NSFL1C: variants seen among roughly 807,000 people sequenced by gnomAD.
NSFL1C encodes NSFL1 cofactor p47.
A neutral mutation model predicts 43.1 loss-of-function variants in NSFL1C; 14 were observed. That is an observed-to-expected ratio of 0.32 (90% CI 0.21 to 0.51). The LOEUF is 0.51. Ranked by LOEUF, NSFL1C falls within the 20% of genes least tolerant of loss-of-function variation. The probability of loss-of-function intolerance (pLI) is 0.98; values close to 1 mark genes in which losing one functional copy is unlikely to be tolerated. For synonymous variants in NSFL1C, 171 were observed against 183.5 expected (o/e 0.93, Z 0.55); for missense variants, 406 against 472.5 (o/e 0.86, Z 1.30).
chr20:1,466,608 C>T (rs1283970341), intron 1 of NSFL1C, 112 bp downstream of exon 1: 3 of 1,050,764 alleles, frequency 2.9e-6, no homozygotes, highest in African/African-American at 3.3e-5. Context: ...CTGGGTCGGG[C>T]CGCGGTAGAG....
Position 1,443,694 on chromosome 20 carries a change from C to A in NSFL1C, c.*55G>T. 1 of 1,594,820 alleles carries A rather than the reference C, an allele frequency of 6.3e-7. No homozygotes were observed. Among genetic ancestry groups the A allele is most frequent in the Non-Finnish European group, 8.6e-7 (1 of 1,164,256 alleles). On this transcript the variant is annotated 3_prime_UTR_variant, in exon 9 of 9. Coordinates refer to ENST00000216879, the MANE Select transcript of NSFL1C (RefSeq NM_016143.5). ...GGCAGGAGGGGCGATCCCCATGGGG[C>A]ATGGCCACTGGCCATGGGAAACACA... is the stretch of plus-strand genomic sequence containing the variant.
chr20:1,458,223 A>G lies in NSFL1C; in HGVS notation c.255T>C (p.Asp85=), dbSNP rs1244882186. The G allele has an allele frequency of 6.2e-7, 1 of 1,613,674 alleles. No individual in the cohort carries two copies. Among genetic ancestry groups the G allele is most frequent in the South Asian group, 1.1e-5 (1 of 91,064 alleles). Residue 85 remains aspartate, a synonymous_variant, in exon 3 of 9, where the codon GAT becomes GAC. Transcript: ENST00000216879. The stretch of plus-strand genomic sequence containing the variant: ...ACCTCTGGCCTTCCTCTTCCTCCTC[A>G]TCTTCATCTTGGTCATGAATGAGGT... ...FRDLIHDQDE[D]EEEEEGQRFY...
intron 2 of NSFL1C, among the ~76,000 whole-genome samples, chr20:1,460,136 T>C (rs1315283242): frequency 6.6e-6 from 1 of 152,166 alleles, no homozygotes; most frequent in Admixed American, 6.5e-5. Context: ...CACATGTAAA[T>C]AAGACAATCA....
intron 1 of NSFL1C, among the ~76,000 whole-genome samples, chr20:1,464,745 T>C (rs1157828179): frequency 6.6e-6 from 1 of 152,252 alleles, no homozygotes; most frequent in Non-Finnish European, 1.5e-5. Flanking sequence ...CAGGTTGTTC[T>C]GAGCATTCTA....
At chr20:1,452,970 TCCTTTC>T in intron 6 of NSFL1C, 55 bp downstream of exon 6, 2 of 910,616 alleles carry the variant, frequency 2.2e-6, no homozygotes, top group South Asian at 2.6e-5. Flanking sequence ...TTCTGCCTCC[TCCTTTC>T]CCAACTGCTA....
Position 1,443,587 on chromosome 20 carries a change from A to G in NSFL1C, c.*162T>C. The G allele has an allele frequency of 1.7e-6, 1 of 598,920 alleles. No homozygotes were observed. The highest frequency in any genetic ancestry group is 2.8e-5 in the South Asian group (1 of 35,138). The allele number at this position is 598,920 out of a possible 1,614,324, so 37.1% of individuals were successfully genotyped here. A position where few individuals can be genotyped will look rare whatever the true frequency, so the allele number is the denominator to read the frequency against. On this transcript the variant is annotated 3_prime_UTR_variant, in exon 9 of 9. Coordinates refer to ENST00000216879, the MANE Select transcript of NSFL1C (RefSeq NM_016143.5). ...AAAAACCCAGGAAATGCAACTAAGG[A>G]GAAAACAAACGTCCAACCAAGATCT...
chr20:1,464,845 T>TA (rs879283498), intron 1 of NSFL1C, among the ~76,000 whole-genome samples: 1 of 151,784 alleles, frequency 6.6e-6, no homozygotes, highest in African/African-American at 2.4e-5. Context: ...CACTGAGGAT[T>TA]AAAAAAAAAT....
At chr20:1,454,120 G>C in intron 5 of NSFL1C, 93 bp downstream of exon 5, 1 of 947,714 alleles carries the variant, frequency 1.1e-6, no homozygotes, top group East Asian at 2.4e-5. Context: ...CCTTTCAGAG[G>C]CTGCTGGTTA....
chr20:1,459,821 A>T (rs2090374904), intron 2 of NSFL1C, among the ~76,000 whole-genome samples: 1 of 152,202 alleles, frequency 6.6e-6, no homozygotes, highest in Non-Finnish European at 1.5e-5. Flanking sequence ...ATCTTCCCAA[A>T]GGGAATTTTC....
At chr20:1,458,134 G>T in intron 3 of NSFL1C, 66 bp downstream of exon 3, 1 of 1,240,982 alleles carries the variant, frequency 8.1e-7, no homozygotes, top group Non-Finnish European at 1.2e-6. Flanking sequence ...TCCTGTTCTA[G>T]GTGATTTACA....
chr20:1,456,906 A>G (rs918582687), intron 3 of NSFL1C: 2 of 152,278 alleles, frequency 1.3e-5, no homozygotes, highest in Admixed American at 6.5e-5. Context: ...ATGAAAAGGC[A>G]TATGAAGGAT....
rs2089996281 is a variant in NSFL1C at position 1,443,663 on chromosome 20, CA to C, written c.*85del. On this transcript the variant is annotated 3_prime_UTR_variant, in exon 9 of 9. Transcript: ENST00000216879. Reference sequence around the variant, plus strand: ...GTTGCACTGGACTGCTGGGTGTGCACAAGGGGGCAGGAGGGGCGATCCCCAT... The same window carrying C: ...GTTGCACTGGACTGCTGGGTGTGCACAGGGGGCAGGAGGGGCGATCCCCAT... 1 of 1,462,852 alleles carries C rather than the reference CA, an allele frequency of 6.8e-7. No individual in the cohort carries two copies. The highest frequency in any genetic ancestry group is 2.3e-5 in the East Asian group (1 of 43,566). 90.6% of individuals were successfully genotyped at this position (1,462,852 alleles called of 1,614,324 possible). A position where few individuals can be genotyped will look rare whatever the true frequency, so the allele number is the denominator to read the frequency against.
chr20:1,461,868 A>G (rs1285858017), intron 2 of NSFL1C, among the ~76,000 whole-genome samples: 3 of 152,224 alleles, frequency 2.0e-5, no homozygotes, highest in African/African-American at 7.2e-5. Context: ...CCTCACTCGT[A>G]AATACTCAAT....
Position 1,466,586 on chromosome 20 carries a change from G to A in NSFL1C, c.105+134C>T, listed in dbSNP as rs1489964612. 9 of 796,570 alleles carry A rather than the reference G, an allele frequency of 1.1e-5. No individual in the cohort carries two copies. In the East Asian group the frequency reaches 2.6e-4, roughly 23 times the overall value. The allele number at this position is 796,570 out of a possible 1,614,324, so 49.3% of individuals were successfully genotyped here. On this transcript the variant is annotated intron_variant, in intron 1 of 8. Coordinates refer to ENST00000216879, the MANE Select transcript of NSFL1C (RefSeq NM_016143.5). ...AGGCGACGCGTGACAAGCGGTCCCG[G>A]GACCATGAGGCCTGGGTCGGGCCGC...
At position 1,448,355 on chromosome 20, in the gene NSFL1C, G is replaced by A. The variant is rs566470698; in HGVS notation, c.786-2525C>T. On this transcript the variant is annotated intron_variant, in intron 7 of 8. Coordinates refer to ENST00000216879, the MANE Select transcript of NSFL1C (RefSeq NM_016143.5). ...CAAGTCACAACTTCCCAGGGCTTCAGTGTCTTTGTGTGTAAAATGAGGAGC... is the reference window on the plus strand; with the variant it reads ...CAAGTCACAACTTCCCAGGGCTTCAATGTCTTTGTGTGTAAAATGAGGAGC... Among the ~76,000 whole-genome samples, 3 of 152,344 alleles carry A rather than the reference G, an allele frequency of 2.0e-5. No homozygotes were observed. The South Asian group carries it at 6.2e-4, about 32-fold the overall frequency.
At chr20:1,460,497 G>A (rs1198322157) in intron 2 of NSFL1C, among the ~76,000 whole-genome samples, 2 of 152,128 alleles carry the variant, frequency 1.3e-5, no homozygotes, top group African/African-American at 2.4e-5. Flanking sequence ...CAATACTTTT[G>A]TCCTATGGTC....
intron 2 of NSFL1C, among the ~76,000 whole-genome samples, chr20:1,462,731 G>T (rs1386481827): frequency 6.6e-6 from 1 of 151,938 alleles, no homozygotes; most frequent in Admixed American, 6.6e-5. Context: ...CACCATGTTA[G>T]CCAGGATGGT....
At chr20:1,464,700 T>C (rs1241427949) in intron 1 of NSFL1C, among the ~76,000 whole-genome samples, 1 of 152,230 alleles carries the variant, frequency 6.6e-6, no homozygotes, top group Non-Finnish European at 1.5e-5. Context: ...CGTGATCTAG[T>C]AAAAGTAGCA....
In NSFL1C at chr20:1,442,991, C is replaced by T. The variant is rs1269243305; in HGVS notation, c.*758G>A. ...ACCTACCTCCTAGGTCCACTCAAGA[C>T]TTCTGCACGTGGAGTAAATCAAGCC... is the stretch of plus-strand genomic sequence containing the variant. On this transcript the variant is annotated 3_prime_UTR_variant, in exon 9 of 9. Coordinates refer to ENST00000216879, the MANE Select transcript of NSFL1C (RefSeq NM_016143.5). 6.6e-6 allele frequency: 1 copy of T among 152,190 alleles called. No homozygotes were observed. Among genetic ancestry groups the T allele is most frequent in the Non-Finnish European group, 1.5e-5 (1 of 68,050 alleles). The allele number at this position is 152,190 out of a possible 1,614,324, so 9.4% of individuals were successfully genotyped here. A position where few individuals can be genotyped will look rare whatever the true frequency, so the allele number is the denominator to read the frequency against.
Sources: allele counts gnomAD v4.1 joint callset (sites outside exome capture counted in the v4.1 genomes callset), GRCh38; gene constraint gnomAD v4.1.1; transcripts MANE v1.5; gene names NCBI Gene and HGNC (gene_info 2026-07-23, HGNC 2026-07-21).